The following PDE10A variants were observed in gnomAD, a reference collection of about 807,000 sequenced individuals.
PDE10A encodes the protein phosphodiesterase 10A, also known as cAMP and cAMP-inhibited cGMP 3',5'-cyclic phosphodiesterase 10A.
PDE10A carries 39 observed loss-of-function variants against 97.7 expected under a neutral mutation model. That is an observed-to-expected ratio of 0.40 (90% CI 0.31 to 0.52). The LOEUF (loss-of-function observed/expected upper bound fraction) is 0.52, where lower values mean the gene tolerates loss of function less well. PDE10A is among the 20% of genes least tolerant of loss of function. PDE10A has a pLI of 0.56. For synonymous variants in PDE10A, 371 were observed against 376.8 expected, an observed-to-expected ratio of 0.98 and a Z score of 0.18; for missense variants, 731 against 1,047.8, an observed-to-expected ratio of 0.70 and a Z score of 4.17.
chr6:165,872,368 T>C lies in PDE10A; in HGVS notation c.-615+115161A>G, dbSNP rs972625955. Among the ~76,000 whole-genome samples, 9 of 152,104 alleles carry C rather than the reference T, an allele frequency of 5.9e-5. 1 individual carries two copies. The highest frequency in any genetic ancestry group is 3.9e-4 in the East Asian group (2 of 5,190). ...TTTTAGTGACTGAATATACCCCCAT[T>C]GTCACATGTGGTGGGTGTGGAGGTG... On this transcript the variant is annotated intron_variant, in intron 1 of 19. Coordinates refer to the PDE10A transcript ENST00000366882.
intron 1 of PDE10A, among the ~76,000 whole-genome samples, chr6:165,656,979 T>C (rs1475846409): frequency 1.3e-5 from 2 of 152,358 alleles, no homozygotes; most frequent in Non-Finnish European, 2.9e-5. Context: ...AGAGTGCTCA[T>C]CGATTTCTAG....
At chr6:165,681,138 G>A (rs994468573) in intron 1 of PDE10A, among the ~76,000 whole-genome samples, 1 of 152,246 alleles carries the variant, frequency 6.6e-6, no homozygotes, top group African/African-American at 2.4e-5. Context: ...TGATGGCAAC[G>A]CCTGTGTTTA....
chr6:165,403,681 T>C (rs765030109), intron 13 of PDE10A, among the ~76,000 whole-genome samples: 1 of 152,344 alleles, frequency 6.6e-6, no homozygotes, highest in South Asian at 2.1e-4. Flanking sequence ...TCAAATTAAA[T>C]TGATTCTCTA....
At chr6:165,807,739 C>A (rs117692989) in intron 1 of PDE10A, among the ~76,000 whole-genome samples, 4,463 of 152,100 alleles carry the variant, frequency 0.029, 93 homozygotes, top group Middle Eastern at 0.092. Flanking sequence ...ATTGGCTTGC[C>A]GGCGGCAGTG....
intron 1 of PDE10A, among the ~76,000 whole-genome samples, chr6:165,934,052 C>T (rs1408589904): frequency 2.7e-5 from 4 of 150,872 alleles, no homozygotes; most frequent in Middle Eastern, 6.8e-3. Flanking sequence ...GGTGCCATCT[C>T]GGCTCACTGC....
At chr6:165,618,679 GCT>G (rs1787837209) in intron 1 of PDE10A, among the ~76,000 whole-genome samples, 1 of 152,164 alleles carries the variant, frequency 6.6e-6, no homozygotes, top group Non-Finnish European at 1.5e-5. Flanking sequence ...AATGAAGTCA[GCT>G]CTGTCTCTCG....
chr6:165,769,549 T>C (rs972668547), intron 1 of PDE10A, among the ~76,000 whole-genome samples: 5 of 152,222 alleles, frequency 3.3e-5, no homozygotes, highest in African/African-American at 1.2e-4. Context: ...TGCAGACTTC[T>C]GGCTGCACAC....
chr6:165,938,978 A>T lies in PDE10A; in HGVS notation c.-615+48551T>A, dbSNP rs867060626. ...AGCATCAAAAAACTGGAAATAACAT[A>T]AGTGTCCATCAATAGGAGAATGGCT... On this transcript the variant is annotated intron_variant, in intron 1 of 19. Transcript: ENST00000366882. Among the ~76,000 whole-genome samples the T allele has an allele frequency of 2.9e-4, 44 of 152,326 alleles. 1 individual carries two copies. Among genetic ancestry groups the T allele is most frequent in the Middle Eastern group, 6.8e-3 (2 of 294 alleles).
At chr6:165,740,088 C>A (rs548575669) in intron 1 of PDE10A, among the ~76,000 whole-genome samples, 1 of 152,240 alleles carries the variant, frequency 6.6e-6, no homozygotes, top group Non-Finnish European at 1.5e-5. Flanking sequence ...ACCATATGAC[C>A]TGGCAATTCT....
chr6:165,838,171 C>T (rs955720105), intron 1 of PDE10A, among the ~76,000 whole-genome samples: 8 of 152,164 alleles, frequency 5.3e-5, no homozygotes, highest in East Asian at 3.9e-4. Flanking sequence ...TATAACATCT[C>T]GTAAACCCTT....
chr6:165,740,631 C>T (rs1475301998), intron 1 of PDE10A, among the ~76,000 whole-genome samples: 3 of 152,136 alleles, frequency 2.0e-5, no homozygotes, highest in African/African-American at 2.4e-5. Flanking sequence ...CCACTCCTGG[C>T]CTGTGTGATG....
chr6:165,474,932 G>C (rs1351387776), intron 3 of PDE10A, among the ~76,000 whole-genome samples: 1 of 152,136 alleles, frequency 6.6e-6, no homozygotes, highest in African/African-American at 2.4e-5. Flanking sequence ...GTTTCTAAGT[G>C]TTTTTGGGCT....
chr6:165,538,723 T>C (rs549472675), intron 2 of PDE10A, among the ~76,000 whole-genome samples: 2 of 152,184 alleles, frequency 1.3e-5, no homozygotes, highest in Non-Finnish European at 2.9e-5. Flanking sequence ...ACTGAAATAC[T>C]GGAACGGCAT....
chr6:165,760,077 G>T (rs1250008878), intron 1 of PDE10A, among the ~76,000 whole-genome samples: 1 of 152,174 alleles, frequency 6.6e-6, no homozygotes, highest in African/African-American at 2.4e-5. Context: ...AAAATGGATA[G>T]AATTTAATGC....
chr6:165,395,377 A>T (rs1786085588), intron 14 of PDE10A, 113 bp from the exon 15 acceptor site: 7 of 658,902 alleles, frequency 1.1e-5, no homozygotes, highest in Non-Finnish European at 1.9e-5. Context: ...CTGGGAGCTC[A>T]GCCATCCCTT....
chr6:165,574,053 G>A (rs927687794), intron 1 of PDE10A, among the ~76,000 whole-genome samples: 9 of 152,202 alleles, frequency 5.9e-5, no homozygotes, highest in African/African-American at 1.4e-4. Flanking sequence ...TAGGAGCGAA[G>A]CAGGTTTTAG....
At chr6:165,905,663 T>C (rs1326429080) in intron 1 of PDE10A, among the ~76,000 whole-genome samples, 1 of 149,318 alleles carries the variant, frequency 6.7e-6, no homozygotes, top group African/African-American at 2.5e-5. Flanking sequence ...AAGCATATAA[T>C]ACTTTTTTAA....
At chr6:165,968,286 C>G (rs1269386350) in intron 1 of PDE10A, among the ~76,000 whole-genome samples, 1 of 152,176 alleles carries the variant, frequency 6.6e-6, no homozygotes, top group Non-Finnish European at 1.5e-5. Flanking sequence ...ATGAAACCAT[C>G]GCAGGTCATT....
In PDE10A at chr6:165,371,880, T is replaced by C. The variant is rs140380653; in HGVS notation, c.2783+7314A>G. On this transcript the variant is annotated intron_variant, in intron 18 of 21. Transcript: ENST00000539869. ...AGCACATCAAAAAGCTTATCCACCATGAGCAAGTGAGCTTCATCCCTGGGA... is the reference window on the plus strand; with the variant it reads ...AGCACATCAAAAAGCTTATCCACCACGAGCAAGTGAGCTTCATCCCTGGGA... Among the ~76,000 whole-genome samples the C allele has an allele frequency of 7.7e-3, 1,170 of 152,194 alleles. 11 individuals carry two copies. Among genetic ancestry groups the C allele is most frequent in the African/African-American group, 0.026 (1,098 of 41,500 alleles).
Sources: gnomAD v4.1 joint callset for allele counts (sites outside exome capture counted in the v4.1 genomes callset) on GRCh38, gnomAD v4.1.1 for gene constraint, MANE v1.5 for transcripts, NCBI Gene and HGNC (gene_info 2026-07-23, HGNC 2026-07-21) for gene names.